Variants in CHODL observed in about 807,000 individuals in gnomAD.
CHODL encodes chondrolectin.
In CHODL, 29 loss-of-function variants were observed where a neutral mutation model predicts 34.5. The observed-to-expected ratio is 0.84, with a 90% CI of 0.63 to 1.15. The LOEUF is 1.15. CHODL is among the 50% of genes most tolerant of loss of function. The pLI is 0.00. For missense variants in CHODL, 332 were observed against 332.5 expected (o/e 1.00, Z 0.01); for synonymous variants, 125 against 116.1 (o/e 1.08, Z -0.49).
At chr21:17,936,190 G>A (rs1341465539) in intron 1 of CHODL, among the ~76,000 whole-genome samples, 1 of 152,146 alleles carries the variant, frequency 6.6e-6, no homozygotes, top group East Asian at 1.9e-4. Flanking sequence ...AGTATCCCAG[G>A]CATAAAGGGC....
intron 2 of CHODL, among the ~76,000 whole-genome samples, chr21:18,219,057 C>T (rs2073858334): frequency 6.6e-6 from 1 of 152,148 alleles, no homozygotes; most frequent in African/African-American, 2.4e-5. Context: ...TTACCCAGTT[C>T]CAAAGTCGCT....
At chr21:18,005,666 C>G (rs2063953349) in intron 1 of CHODL, among the ~76,000 whole-genome samples, 1 of 152,166 alleles carries the variant, frequency 6.6e-6, no homozygotes, top group Non-Finnish European at 1.5e-5. Flanking sequence ...ATGTTCCATC[C>G]CACTGAGGTT....
intron 1 of CHODL, among the ~76,000 whole-genome samples, chr21:17,920,375 A>G (rs2063174176): frequency 6.6e-6 from 1 of 152,230 alleles, no homozygotes; most frequent in Non-Finnish European, 1.5e-5. Flanking sequence ...CATGTCTTAC[A>G]TGGATGGCAG....
chr21:18,244,019 T>G (rs147899039), upstream of CHODL, among the ~76,000 whole-genome samples: 1 of 152,328 alleles, frequency 6.6e-6, no homozygotes, highest in African/African-American at 2.4e-5. Context: ...TCTTAAGAAC[T>G]TCTCTCCAGT....
At chr21:17,932,908 G>A (rs1027252643) in intron 1 of CHODL, among the ~76,000 whole-genome samples, 4 of 152,270 alleles carry the variant, frequency 2.6e-5, no homozygotes, top group South Asian at 2.1e-4. Flanking sequence ...TCATTCTTGG[G>A]TGTTTCTCGG....
intron 1 of CHODL, among the ~76,000 whole-genome samples, chr21:17,919,313 T>G (rs2063165731): frequency 6.6e-6 from 1 of 152,224 alleles, no homozygotes; most frequent in Non-Finnish European, 1.5e-5. Context: ...GCAGCAAACT[T>G]CTGCCCGGGC....
chr21:18,096,957 C>T (rs927588896), intron 2 of CHODL, among the ~76,000 whole-genome samples: 5 of 152,076 alleles, frequency 3.3e-5, no homozygotes, highest in Admixed American at 6.6e-5. Flanking sequence ...CTCTTTATTT[C>T]TCAGACCTGC....
At chr21:18,218,963 C>G (rs2073857255) in intron 2 of CHODL, among the ~76,000 whole-genome samples, 1 of 152,140 alleles carries the variant, frequency 6.6e-6, no homozygotes, top group African/African-American at 2.4e-5. Context: ...TCCTGTCTTC[C>G]TAGCCCTCAA....
At chr21:18,196,393 G>A (rs967823443) in intron 2 of CHODL, among the ~76,000 whole-genome samples, 4 of 152,054 alleles carry the variant, frequency 2.6e-5, no homozygotes, top group Non-Finnish European at 5.9e-5. Flanking sequence ...TGAGGTGGGG[G>A]ACTTTTCAAA....
At chr21:18,249,188 CA>C (rs1194943220) in intron 1 of CHODL, among the ~76,000 whole-genome samples, 1 of 143,830 alleles carries the variant, frequency 7.0e-6, no homozygotes, top group African/African-American at 2.6e-5. Flanking sequence ...GATGCACTCA[CA>C]AACAATTTTT....
intron 4 of CHODL, among the ~76,000 whole-genome samples, chr21:18,262,371 A>G (rs990687861): frequency 6.6e-6 from 1 of 152,188 alleles, no homozygotes; most frequent in Non-Finnish European, 1.5e-5. Flanking sequence ...AGCTTACTAC[A>G]CATCTAGGCT....
intron 2 of CHODL, among the ~76,000 whole-genome samples, chr21:18,098,571 A>G (rs900020074): frequency 5.3e-5 from 8 of 152,152 alleles, no homozygotes; most frequent in Admixed American, 3.3e-4. Flanking sequence ...AATTTAGGCA[A>G]TAACAAATGC....
intron 2 of CHODL, among the ~76,000 whole-genome samples, chr21:18,172,161 T>C (rs1418697314): frequency 6.6e-6 from 1 of 152,222 alleles, no homozygotes; most frequent in Non-Finnish European, 1.5e-5. Flanking sequence ...CCTTTTATTT[T>C]TTTTTCTTTT....
At chr21:18,021,830 T>TC (rs2064130612) in intron 1 of CHODL, among the ~76,000 whole-genome samples, 1 of 151,964 alleles carries the variant, frequency 6.6e-6, no homozygotes, top group Non-Finnish European at 1.5e-5. Flanking sequence ...CCCAAGTCAT[T>TC]CCCCACAAAG....
chr21:18,031,747 G>T (rs2064250761), intron 2 of CHODL, among the ~76,000 whole-genome samples: 1 of 152,032 alleles, frequency 6.6e-6, no homozygotes, highest in South Asian at 2.1e-4. Context: ...AGTCCACTAA[G>T]ATTCTACTTG....
intron 2 of CHODL, among the ~76,000 whole-genome samples, chr21:18,167,090 AAT>A (rs1336804678): frequency 3.9e-5 from 6 of 152,084 alleles, no homozygotes; most frequent in South Asian, 4.1e-4. Context: ...ATGTTTTAAA[AAT>A]ATGTTTATTT....
chr21:18,087,768 T>C (rs982286138), intron 2 of CHODL, among the ~76,000 whole-genome samples: 4 of 152,172 alleles, frequency 2.6e-5, no homozygotes, highest in South Asian at 2.1e-4. Context: ...CAGGGTATTA[T>C]CCTAGATGTG....
chr21:18,208,191 TCTGA>T (rs146127451), intron 2 of CHODL, among the ~76,000 whole-genome samples: 3,437 of 150,646 alleles, frequency 0.023, 131 homozygotes, highest in African/African-American at 0.078. Flanking sequence ...TTTGGTCTGC[TCTGA>T]CTGTGCAATT....
intron 2 of CHODL, among the ~76,000 whole-genome samples, chr21:18,107,408 G>T (rs149198419): frequency 6.6e-6 from 1 of 152,300 alleles, no homozygotes. Flanking sequence ...ATGCACAGCA[G>T]GGGGGAAAGG....
Sources: gnomAD v4.1 joint callset for allele counts (sites outside exome capture counted in the v4.1 genomes callset) on GRCh38, gnomAD v4.1.1 for gene constraint, MANE v1.5 for transcripts, NCBI Gene and HGNC (gene_info 2026-07-23, HGNC 2026-07-21) for gene names.